Variants in NXPE4 observed in about 807,000 individuals in gnomAD.
The protein encoded by NXPE4 is neurexophilin and PC-esterase domain family member 4.
A neutral mutation model predicts 33.3 loss-of-function variants in NXPE4; 42 were observed. The ratio of observed to expected loss-of-function variants is 1.26; its 90% CI spans 0.98 to 1.63. The LOEUF (loss-of-function observed/expected upper bound fraction) is 1.63. NXPE4 is among the 40% of genes most tolerant of loss of function. The probability of loss-of-function intolerance (pLI) is 0.00; values close to 1 mark genes in which losing one functional copy is unlikely to be tolerated. For missense variants in NXPE4, 709 were observed against 647.6 expected, an observed-to-expected ratio of 1.09 and a Z score of -1.03; for synonymous variants, 253 against 234.9, an observed-to-expected ratio of 1.08 and a Z score of -0.71.
chr11:114,649,600 T>G, the NXPE4 span, among the ~76,000 whole-genome samples: 1 of 152,182 alleles, frequency 6.6e-6, no homozygotes, highest in East Asian at 1.9e-4. Context: ...CTTGAGATGA[T>G]GAAAATTTTC....
chr11:114,648,898 G>GTACTTAA, the NXPE4 span, among the ~76,000 whole-genome samples: 3 of 152,160 alleles, frequency 2.0e-5, no homozygotes, highest in East Asian at 5.8e-4. Context: ...TAAATACTAT[G>GTACTTAA]ATACGAAGTC....
the NXPE4 span, among the ~76,000 whole-genome samples, chr11:114,637,895 C>T: frequency 1.3e-5 from 2 of 152,000 alleles, no homozygotes; most frequent in South Asian, 2.1e-4. Context: ...CTGCCCTTAA[C>T]ATTTTTTCCT....
At chr11:114,623,401 G>A in the NXPE4 span, among the ~76,000 whole-genome samples, 2 of 151,930 alleles carry the variant, frequency 1.3e-5, no homozygotes, top group Admixed American at 1.3e-4. Flanking sequence ...TGCGCAGTGG[G>A]TACCATTGTT....
At chr11:114,600,901 C>A in the NXPE4 span, among the ~76,000 whole-genome samples, 1 of 151,952 alleles carries the variant, frequency 6.6e-6, no homozygotes, top group Non-Finnish European at 1.5e-5. Flanking sequence ...GAATTAAAAA[C>A]CTTTTCAAAT....
chr11:114,617,499 C>T, the NXPE4 span, among the ~76,000 whole-genome samples: 1 of 152,088 alleles, frequency 6.6e-6, no homozygotes, highest in Non-Finnish European at 1.5e-5. Flanking sequence ...TGGGTAACCA[C>T]TGTTAACCGG....
chr11:114,582,554 C>A lies in NXPE4; in HGVS notation c.564G>T (p.Val188=). The part of the protein sequence containing the change: ...SLLLIHPSEG[V]SALWSARNQG... ...GGTTCCTTGCACTCCAGAGAGCTGA[C>A]ACCCCTTCACTGGGGTGGATGAGCA... The change falls in exon 3 of 6, where the codon GTG becomes GTT. Residue 188 remains valine (V), a synonymous_variant. Coordinates refer to ENST00000375478, the MANE Select transcript of NXPE4 (RefSeq NM_001077639.2). 1 of 1,614,172 alleles carries A rather than the reference C, an allele frequency of 6.2e-7. No individual in the cohort carries two copies. The highest frequency in any genetic ancestry group is 8.5e-7 in the Non-Finnish European group (1 of 1,180,020).
chr11:114,649,810 C>A, the NXPE4 span, among the ~76,000 whole-genome samples: 2 of 152,102 alleles, frequency 1.3e-5, no homozygotes, highest in South Asian at 4.1e-4. Context: ...TAATATTTAC[C>A]AACCATTTCC....
At chr11:114,591,876 TC>T (rs2135285666) in intron 2 of NXPE4, among the ~76,000 whole-genome samples, 1 of 152,302 alleles carries the variant, frequency 6.6e-6, no homozygotes, top group African/African-American at 2.4e-5. Flanking sequence ...GTATATTATG[TC>T]CCTAATTTTT....
chr11:114,584,091 G>T (rs377485811), intron 2 of NXPE4: 31 of 296,300 alleles, frequency 1.0e-4, no homozygotes, highest in African/African-American at 5.5e-4. Context: ...ATCATCAAAG[G>T]GCATGCCAAG....
At chr11:114,614,163 C>G in the NXPE4 span, among the ~76,000 whole-genome samples, 1 of 150,986 alleles carries the variant, frequency 6.6e-6, no homozygotes, top group African/African-American at 2.4e-5. Flanking sequence ...TGGGTACCAA[C>G]TCTTACCCTG....
intron 2 of NXPE4, among the ~76,000 whole-genome samples, chr11:114,588,668 A>G (rs1008366741): frequency 3.2e-4 from 48 of 152,286 alleles, no homozygotes; most frequent in African/African-American, 1.0e-3. Context: ...AAAAGGAAAC[A>G]CTTTTTAATG....
the NXPE4 span, among the ~76,000 whole-genome samples, chr11:114,609,448 A>G: frequency 1.3e-5 from 2 of 151,836 alleles, no homozygotes; most frequent in African/African-American, 4.8e-5. Context: ...TCTGGTAACC[A>G]CTGTTACCCA....
the NXPE4 span, among the ~76,000 whole-genome samples, chr11:114,651,609 TCCATTTTACAGAGCACTGATTGGC>T: frequency 3.7e-4 from 56 of 152,308 alleles, no homozygotes; most frequent in African/African-American, 1.3e-3. Context: ...TACTGATTGG[TCCATTTTACAGAGCACTGATTGGC>T]CCATTTTACA....
the NXPE4 span, among the ~76,000 whole-genome samples, chr11:114,627,100 A>G: frequency 6.6e-6 from 1 of 152,130 alleles, no homozygotes; most frequent in East Asian, 1.9e-4. Flanking sequence ...ACTCTGCAGG[A>G]TATTATCCAG....
chr11:114,572,880 A>G (rs1307446814), intron 5 of NXPE4, among the ~76,000 whole-genome samples: 1 of 152,188 alleles, frequency 6.6e-6, no homozygotes, highest in Admixed American at 6.5e-5. Context: ...GAAATTCATC[A>G]CAGAAAGATC....
At chr11:114,631,548 A>G in the NXPE4 span, among the ~76,000 whole-genome samples, 1 of 150,002 alleles carries the variant, frequency 6.7e-6, no homozygotes, top group Non-Finnish European at 1.5e-5. Context: ...GGGGAGGGAT[A>G]GCACTGGGAG....
the NXPE4 span, among the ~76,000 whole-genome samples, chr11:114,653,280 G>C: frequency 6.6e-6 from 1 of 152,156 alleles, no homozygotes; most frequent in African/African-American, 2.4e-5. Context: ...TTCTATAAGG[G>C]CTGAGCCCCA....
At chr11:114,638,032 TCTC>T in the NXPE4 span, among the ~76,000 whole-genome samples, 1 of 151,674 alleles carries the variant, frequency 6.6e-6, no homozygotes, top group South Asian at 2.1e-4. Flanking sequence ...TTGGGGAAGT[TCTC>T]CTGGATAATA....
the NXPE4 span, among the ~76,000 whole-genome samples, chr11:114,627,284 C>T: frequency 3.9e-4 from 58 of 149,308 alleles, no homozygotes; most frequent in Admixed American, 5.4e-4. Context: ...GTCGGGTTAC[C>T]CTCAAAGGGA....
Sources: gnomAD v4.1 joint callset for allele counts (sites outside exome capture counted in the v4.1 genomes callset) on GRCh38, gnomAD v4.1.1 for gene constraint, MANE v1.5 for transcripts, NCBI Gene and HGNC (gene_info 2026-07-23, HGNC 2026-07-21) for gene names.